Variants in PACRG observed in about 807,000 individuals in gnomAD.
PACRG encodes the protein parkin coregulated.
Under a neutral mutation model 29.7 loss-of-function variants are expected in PACRG, and 29 were observed. The ratio of observed to expected loss-of-function variants is 0.98; its 90% CI spans 0.73 to 1.33. The LOEUF is 1.33. Ranked by LOEUF, PACRG falls within the 40% of genes most tolerant of loss-of-function variation. PACRG has a pLI of 0.00. For missense variants in PACRG, 279 were observed against 316.2 expected, an observed-to-expected ratio of 0.88 and a Z score of 0.89; for synonymous variants, 116 against 118.7, an observed-to-expected ratio of 0.98 and a Z score of 0.15.
chr6:162,918,266 C>T (rs112754824), intron 2 of PACRG, among the ~76,000 whole-genome samples: 1,679 of 152,268 alleles, frequency 0.011, 35 homozygotes, highest in African/African-American at 0.039. Context: ...TACTAAATTA[C>T]AGCATAACGC....
chr6:163,084,237 A>C (rs1445438186), intron 3 of PACRG, among the ~76,000 whole-genome samples: 3 of 152,182 alleles, frequency 2.0e-5, no homozygotes, highest in Non-Finnish European at 4.4e-5. Flanking sequence ...AGGCCCATCA[A>C]CAAAAGAATA....
At chr6:162,987,383 G>T (rs950154879) in intron 2 of PACRG, among the ~76,000 whole-genome samples, 3 of 152,144 alleles carry the variant, frequency 2.0e-5, no homozygotes, top group African/African-American at 7.2e-5. Context: ...ATACCAGCAT[G>T]ATATGGTTTG....
intron 2 of PACRG, among the ~76,000 whole-genome samples, chr6:162,994,102 G>A (rs1380652528): frequency 2.2e-5 from 3 of 135,638 alleles, no homozygotes; most frequent in African/African-American, 6.7e-5. Flanking sequence ...TGTTTCTGCC[G>A]AGAGATCCGC....
At chr6:162,970,024 A>C (rs957954086) in intron 2 of PACRG, among the ~76,000 whole-genome samples, 32 of 152,204 alleles carry the variant, frequency 2.1e-4, no homozygotes, top group African/African-American at 7.5e-4. Context: ...GTAGAGGTTC[A>C]TGCCTAGCAC....
At chr6:163,168,268 A>G (rs965800228) in intron 4 of PACRG, among the ~76,000 whole-genome samples, 2 of 152,276 alleles carry the variant, frequency 1.3e-5, no homozygotes. Flanking sequence ...CCTGAGGTCC[A>G]AGACCAGCCT....
intron 4 of PACRG, among the ~76,000 whole-genome samples, chr6:163,187,358 G>A (rs1378320117): frequency 1.3e-5 from 2 of 152,110 alleles, no homozygotes; most frequent in Non-Finnish European, 2.9e-5. Context: ...TGTGCAAGTG[G>A]CCTGTGAAAG....
intron 2 of PACRG, among the ~76,000 whole-genome samples, chr6:162,943,246 G>A (rs183865893): frequency 5.9e-5 from 9 of 152,160 alleles, no homozygotes; most frequent in Non-Finnish European, 7.3e-5. Context: ...AATGCATCCT[G>A]TTCTGGGGAC....
At chr6:162,931,348 A>C (rs1797839661) in intron 2 of PACRG, among the ~76,000 whole-genome samples, 1 of 151,196 alleles carries the variant, frequency 6.6e-6, no homozygotes, top group South Asian at 2.1e-4. Context: ...TTATCAATTT[A>C]TTCTTTCATG....
chr6:163,106,570 A>G (rs1324787022), intron 4 of PACRG, among the ~76,000 whole-genome samples: 3 of 152,204 alleles, frequency 2.0e-5, no homozygotes, highest in African/African-American at 7.2e-5. Flanking sequence ...GGAGTTTATA[A>G]CAGAGTTTAA....
intron 2 of PACRG, among the ~76,000 whole-genome samples, chr6:162,849,058 G>A (rs1790644905): frequency 6.6e-6 from 1 of 152,176 alleles, no homozygotes; most frequent in South Asian, 2.1e-4. Flanking sequence ...CAAGAGAAGG[G>A]CTGGGGGCAG....
chr6:162,992,495 C>A (rs1317675624), intron 2 of PACRG, among the ~76,000 whole-genome samples: 1 of 147,738 alleles, frequency 6.8e-6, no homozygotes, highest in East Asian at 2.0e-4. Context: ...AGGAATGTAT[C>A]CATTTCTTCT....
rs556280642 is a variant in PACRG at position 163,106,430 on chromosome 6, TA to T, written c.613+17029del. Among the ~76,000 whole-genome samples the T allele has an allele frequency of 1.8e-4, 27 of 152,292 alleles. No homozygotes were observed. The East Asian group carries it at 4.2e-3, about 24-fold the overall frequency. ...GTTATTTTTATTCATGTTACTAAAT[TA>T]AAAAAAGTAGTGTTCAATACTAATT... On this transcript the variant is annotated intron_variant, in intron 4 of 4. Transcript: ENST00000366888.
intron 2 of PACRG, among the ~76,000 whole-genome samples, chr6:162,969,612 G>T (rs922984502): frequency 6.6e-6 from 1 of 152,006 alleles, no homozygotes; most frequent in African/African-American, 2.4e-5. Flanking sequence ...GCCCCTGTCT[G>T]CCCCTTGCTC....
intron 4 of PACRG, among the ~76,000 whole-genome samples, chr6:163,175,446 G>T (rs1215671790): frequency 6.6e-6 from 1 of 151,428 alleles, no homozygotes; most frequent in African/African-American, 2.4e-5. Flanking sequence ...GGGGGGAGTG[G>T]TTAAAGGACA....
intron 2 of PACRG, among the ~76,000 whole-genome samples, chr6:163,030,891 C>A (rs537163797): frequency 6.6e-6 from 1 of 152,176 alleles, no homozygotes; most frequent in Non-Finnish European, 1.5e-5. Flanking sequence ...TTTACTGCAA[C>A]CTGTTTTATC....
chr6:163,038,725 C>T (rs532136048), intron 2 of PACRG, among the ~76,000 whole-genome samples: 1 of 152,238 alleles, frequency 6.6e-6, no homozygotes, highest in South Asian at 2.1e-4. Context: ...AATACATAAG[C>T]ATAATAAATG....
intron 2 of PACRG, among the ~76,000 whole-genome samples, chr6:162,932,544 A>G (rs952055841): frequency 3.3e-5 from 5 of 152,034 alleles, no homozygotes; most frequent in Admixed American, 6.5e-5. Flanking sequence ...ACTTTTCATT[A>G]TAGCTTCAAT....
chr6:163,124,913 C>A (rs1816453586), intron 4 of PACRG, among the ~76,000 whole-genome samples: 3 of 152,170 alleles, frequency 2.0e-5, no homozygotes, highest in African/African-American at 7.2e-5. Context: ...TCACATCCTT[C>A]AAAATGTATA....
Position 162,996,130 on chromosome 6 carries a change from G to A in PACRG, c.292-66020G>A, listed in dbSNP as rs76408816. Among the ~76,000 whole-genome samples, 1,402 of 152,012 alleles carry A rather than the reference G, an allele frequency of 9.2e-3. 14 individuals are homozygous for A. The highest frequency in any genetic ancestry group is 0.024 in the African/African-American group (1,000 of 41,444). On this transcript the variant is annotated intron_variant, in intron 2 of 4. Coordinates refer to ENST00000366888, the MANE Select transcript of PACRG (RefSeq NM_001080379.2). ...AATAAATTAAATCTTCTCACCACTC[G>A]TGTGTGTGCATGCACACACACACCA...
Sources: allele counts gnomAD v4.1 joint callset (sites outside exome capture counted in the v4.1 genomes callset), GRCh38; gene constraint gnomAD v4.1.1; transcripts MANE v1.5; gene names NCBI Gene and HGNC (gene_info 2026-07-23, HGNC 2026-07-21).